NOTCH1: variants seen among roughly 807,000 people sequenced by gnomAD.
NOTCH1 encodes the protein notch receptor 1.
NOTCH1 carries 37 observed loss-of-function variants against 254.8 expected under a neutral mutation model. The ratio of observed to expected loss-of-function variants is 0.15; its 90% CI spans 0.11 to 0.19. The LOEUF (loss-of-function observed/expected upper bound fraction) is 0.19, where lower values mean the gene tolerates loss of function less well. Ranked by LOEUF, NOTCH1 falls within the 10% of genes least tolerant of loss-of-function variation. NOTCH1 has a pLI of 1.00. For synonymous variants in NOTCH1, 1,731 were observed against 1,618.1 expected, an observed-to-expected ratio of 1.07 and a Z score of -1.68; for missense variants, 2,972 against 3,708.6, an observed-to-expected ratio of 0.80 and a Z score of 5.16.
chr9:136,511,026 C>G, intron 16 of NOTCH1, 126 bp downstream of exon 16: 1 of 1,480,600 alleles, frequency 6.8e-7, no homozygotes, highest in South Asian at 1.2e-5. Context: ...ACTTCTCCGA[C>G]CAGGGCCTCC....
rs373966349 is a variant in NOTCH1 at position 136,518,206 on chromosome 9, C to T, written c.1186G>A (p.Ala396Thr). The T allele has an allele frequency of 6.2e-7, 1 of 1,607,572 alleles. No homozygotes were observed. Among genetic ancestry groups the T allele is most frequent in the Non-Finnish European group, 8.5e-7 (1 of 1,177,722 alleles). Residue 396 changes from alanine to threonine, a missense_variant, in exon 7 of 34, where the codon GCC (alanine) becomes ACC (threonine). By Grantham distance (58) the Ala-to-Thr change is moderately conservative (BLOSUM62 0). This residue lies in a region of NOTCH1 where 90 missense variants were observed against 183.6 expected (regional missense o/e 0.49). Transcript: ENST00000651671. ...TACCCCGAGGGGCAGGTGCAGATGGCCTTGCCATTGACAGGGTTGGTGTCG... is the reference window on the plus strand; with the variant it reads ...TACCCCGAGGGGCAGGTGCAGATGGTCTTGCCATTGACAGGGTTGGTGTCG... ...NCDTNPVNGKAICTCPSGYTG... is the reference protein window; with the variant it reads ...NCDTNPVNGKTICTCPSGYTG...
At position 136,496,072 on chromosome 9, in the gene NOTCH1, T is replaced by C. The variant is rs190691338; in HGVS notation, c.7667A>G (p.Ter2556=). ...CCGGGGTCTCGTGGGGCGCGCCGTT[T>C]ACTTGAAGGCCTCCGGAATGCGGGC... ...QIARIPEAFK[*] is the part of the protein sequence containing the mutation. The change falls in exon 34 of 34, where the codon TAA becomes TGA. Residue 2556 remains the stop codon, a stop_retained_variant. Transcript: ENST00000651671. The C allele has an allele frequency of 7.5e-6, 12 of 1,601,184 alleles. No homozygotes were observed. The East Asian group carries it at 2.5e-4, about 33-fold the overall frequency.
rs1843795894 is a variant in NOTCH1 at position 136,545,180 on chromosome 9, G to A, written c.61+546C>T. Among the ~76,000 whole-genome samples, 1 of 151,898 alleles carries A rather than the reference G, an allele frequency of 6.6e-6. No individual in the cohort carries two copies. Among genetic ancestry groups the A allele is most frequent in the South Asian group, 2.1e-4 (1 of 4,824 alleles). The stretch of plus-strand genomic sequence containing the variant: ...TCCCCCAAACTGAGAGCCGGGCTGG[G>A]GGGCACCGGCGGGCGGGGCGACCGG... On this transcript the variant is annotated intron_variant, in intron 1 of 33. Transcript: ENST00000651671. The surrounding 1 kb of genome is among the most constrained non-coding windows in gnomAD (Gnocchi z 6.8).
At chr9:136,501,128 C>T (rs1351700968) in intron 30 of NOTCH1, among the ~76,000 whole-genome samples, 2 of 152,234 alleles carry the variant, frequency 1.3e-5, no homozygotes, top group Non-Finnish European at 2.9e-5. Context: ...ACCCCAGAAG[C>T]ATGCAGTTAG....
At position 136,496,647 on chromosome 9, in the gene NOTCH1, G is replaced by A. The variant is rs1276727879; in HGVS notation, c.7092C>T (p.Ser2364=). 1 of 1,613,122 alleles carries A rather than the reference G, an allele frequency of 6.2e-7. No homozygotes were observed. Among genetic ancestry groups the A allele is most frequent in the African/African-American group, 1.3e-5 (1 of 75,060 alleles). ...LAASALSQMM[S]YQGLPSTRLA... ...GCCGGGTGCTGGGCAGGCCCTGGTA[G>A]CTCATCATCTGGGACAGGGCGCTGG... Residue 2364 remains serine (S), a synonymous_variant, in exon 34 of 34, where the codon AGC becomes AGT. Transcript: ENST00000651671.
chr9:136,508,799 T>C (rs1186743479), intron 19 of NOTCH1, 71 bp downstream of exon 19: 8 of 1,438,646 alleles, frequency 5.6e-6, no homozygotes, highest in Middle Eastern at 2.5e-4. Flanking sequence ...GGGGTGACCG[T>C]TCCCACCTCC....
In NOTCH1 at chr9:136,500,589, T is replaced by A; in HGVS notation, c.5897A>T (p.His1966Leu). 1 of 1,611,954 alleles carries A rather than the reference T, an allele frequency of 6.2e-7. No homozygotes were observed. Among genetic ancestry groups the A allele is most frequent in the Non-Finnish European group, 8.5e-7 (1 of 1,179,890 alleles). ...IQDNMGRTPLHAAVSADAQGV... is the reference protein window; with the variant it reads ...IQDNMGRTPLLAAVSADAQGV... ...TTGTGCGTCGGCAGACACAGCCGCA[T>A]GCAGCGGGGTGCGGCCCATGTTGTC... The change falls in exon 31 of 34, where the codon CAT becomes CTT. Residue 1966 changes from histidine (H) to leucine (L), a missense_variant. Physicochemically the swap from His to Leu is moderately conservative, Grantham distance 99 (BLOSUM62 -3). Transcript: ENST00000651671.
chr9:136,505,101 G>A lies in NOTCH1; in HGVS notation c.4590C>T (p.Pro1530=), dbSNP rs1357545431. 1 of 1,607,850 alleles carries A rather than the reference G, an allele frequency of 6.2e-7. No homozygotes were observed. The highest frequency in any genetic ancestry group is 1.3e-5 in the African/African-American group (1 of 74,910). The change falls in exon 26 of 34, where the codon CCC becomes CCT. Residue 1530 remains proline, a synonymous_variant. Transcript: ENST00000651671. ...DCQRAEGQCN[P]LYDQYCKDHF... ...GGTCCTTGCAGTACTGGTCGTACAGGGGGCTGTGGGGGGCGGGACACGCTC... is the reference window on the plus strand; with the variant it reads ...GGTCCTTGCAGTACTGGTCGTACAGAGGGCTGTGGGGGGCGGGACACGCTC...
chr9:136,532,897 G>A (rs916254785), intron 2 of NOTCH1, among the ~76,000 whole-genome samples: 9 of 152,168 alleles, frequency 5.9e-5, no homozygotes, highest in African/African-American at 2.2e-4. Flanking sequence ...CTGCAGGCTG[G>A]AGCCAAGCCT....
At position 136,518,267 on chromosome 9, in the gene NOTCH1, T is replaced by A. The variant is rs371954544; in HGVS notation, c.1125A>T (p.Ala375=). The A allele has an allele frequency of 6.2e-7, 1 of 1,611,214 alleles. No homozygotes were observed. Among genetic ancestry groups the A allele is most frequent in the Admixed American group, 1.7e-5 (1 of 59,840 alleles). The part of the protein sequence containing the change: ...RTGLLCHLND[A]CISNPCNEGS... ...CCTCGTTACAGGGGTTGCTGATGCA[T>A]GCGTCGTTGAGGTGGCACAGCAGAC... Residue 375 remains alanine, a synonymous_variant, in exon 7 of 34, where the codon GCA becomes GCT. Transcript: ENST00000651671.
intron 2 of NOTCH1, among the ~76,000 whole-genome samples, chr9:136,530,631 C>T (rs572398986): frequency 2.0e-5 from 3 of 152,344 alleles, no homozygotes; most frequent in Non-Finnish European, 4.4e-5. Flanking sequence ...TGCTGGAGCC[C>T]CACCTGCTGC....
Position 136,517,947 on chromosome 9 carries a change from G to A in NOTCH1, c.1256-10C>T. ...TCGCAGGGGTTGGCACCTGGCGAGG[G>A]CACACGGGTGAGAGGCTGCTCCAGG... On this transcript the variant is annotated splice_polypyrimidine_tract_variant and intron_variant, in intron 7 of 33. Coordinates refer to ENST00000651671, the MANE Select transcript of NOTCH1 (RefSeq NM_017617.5). 1.2e-6 allele frequency: 2 copies of A among 1,607,610 alleles called. 1 individual carries two copies. Among genetic ancestry groups the A allele is most frequent in the South Asian group, 2.2e-5 (2 of 91,046 alleles).
chr9:136,503,421 A>T (rs2133334080), intron 26 of NOTCH1, 91 bp from the exon 27 acceptor site: 1 of 1,578,658 alleles, frequency 6.3e-7, no homozygotes. Flanking sequence ...ACTGAGGCCC[A>T]TGACGCCACA....
In NOTCH1 at chr9:136,509,972, A is replaced by G. The variant is rs1014649383; in HGVS notation, c.2741-11T>C. The G allele has an allele frequency of 1.9e-6, 3 of 1,611,550 alleles. No individual in the cohort carries two copies. In the African/African-American group the frequency reaches 4.0e-5, roughly 22 times the overall value. On this transcript the variant is annotated splice_polypyrimidine_tract_variant and intron_variant, in intron 17 of 33. Coordinates refer to ENST00000651671, the MANE Select transcript of NOTCH1 (RefSeq NM_017617.5). ...CGTTGTGACACGGGTCTGGGAGAGG[A>G]CGGAAGGGTGAGTGTGAGGGGCAGG...
chr9:136,524,440 G>A (rs1203712378), intron 2 of NOTCH1, among the ~76,000 whole-genome samples: 1 of 152,228 alleles, frequency 6.6e-6, no homozygotes, highest in Non-Finnish European at 1.5e-5. Context: ...CCATGGAGAG[G>A]AGCCGGGTGC....
At position 136,501,925 on chromosome 9, in the gene NOTCH1, G is replaced by A. The variant is rs1322217113; in HGVS notation, c.5473-12C>T. 9.9e-6 allele frequency: 16 copies of A among 1,611,338 alleles called. No individual in the cohort carries two copies. The highest frequency in any genetic ancestry group is 1.7e-5 in the Admixed American group (1 of 60,002). ...ACGGGCTCCTCGAACTACATAGAGG[G>A]AGTGAGCAGAGCCTGTCAGGGCAGC... On this transcript the variant is annotated splice_polypyrimidine_tract_variant and intron_variant, in intron 29 of 33. Coordinates refer to ENST00000651671, the MANE Select transcript of NOTCH1 (RefSeq NM_017617.5).
chr9:136,497,913 C>T (rs969673967), intron 33 of NOTCH1, among the ~76,000 whole-genome samples: 7 of 152,150 alleles, frequency 4.6e-5, no homozygotes, highest in Non-Finnish European at 8.8e-5. Flanking sequence ...ATTCCTGGAG[C>T]GGTTCAGAGG....
Position 136,538,890 on chromosome 9 carries a change from C to T in NOTCH1, c.140+5134G>A, listed in dbSNP as rs147469209. ...ACGCCCAATCGATTCTGCAAAGCCA[C>T]ATCCTTTCACTATTTATAGACGAGA... On this transcript the variant is annotated intron_variant, in intron 2 of 33. Coordinates refer to ENST00000651671, the MANE Select transcript of NOTCH1 (RefSeq NM_017617.5). Among the ~76,000 whole-genome samples, 342 of 152,368 alleles carry T rather than the reference C, an allele frequency of 2.2e-3. 2 individuals carry two copies. Among genetic ancestry groups the T allele is most frequent in the African/African-American group, 7.8e-3 (326 of 41,586 alleles).
intron 21 of NOTCH1, 147 bp downstream of exon 21, chr9:136,507,808 T>A: frequency 4.6e-6 from 4 of 873,742 alleles, no homozygotes; most frequent in Non-Finnish European, 7.3e-6. Flanking sequence ...CAGTCTACCC[T>A]GATTACCCCA....
Sources: allele counts gnomAD v4.1 joint callset (sites outside exome capture counted in the v4.1 genomes callset), GRCh38; gene constraint gnomAD v4.1.1; regional missense constraint gnomAD v4.1.1; non-coding constraint Gnocchi (gnomAD v3.1); transcripts MANE v1.5; gene names NCBI Gene and HGNC (gene_info 2026-07-23, HGNC 2026-07-21).